The following MCF2 variants were observed in gnomAD, a reference collection of about 807,000 sequenced individuals.
MCF2 encodes the protein MCF.2 cell line derived transforming sequence, also known as proto-oncogene DBL.
Under a neutral mutation model 82.5 loss-of-function variants are expected in MCF2, and 44 were observed. The observed-to-expected ratio is 0.53, with a 90% CI of 0.42 to 0.69. MCF2 has a LOEUF of 0.69. Ranked by LOEUF, MCF2 falls within the 30% of genes least tolerant of loss-of-function variation. The probability of loss-of-function intolerance (pLI) is 0.00; values close to 1 mark genes in which losing one functional copy is unlikely to be tolerated. For missense variants in MCF2, 623 were observed against 663.1 expected (o/e 0.94, Z 0.66); for synonymous variants, 217 against 224.9 (o/e 0.96, Z 0.32).
At chrX:139,663,386 A>G (rs1934410643) in intron 1 of MCF2, among the ~76,000 whole-genome samples, 1 of 111,843 alleles carries the variant, frequency 8.9e-6, no homozygotes, top group Non-Finnish European at 1.9e-5. Flanking sequence ...TAAGGAATAG[A>G]ATCTTCTGTA....
Position 139,626,884 on chromosome X carries a change from T to C in MCF2, c.439-128A>G, listed in dbSNP as rs1932773604. The C allele has an allele frequency of 2.9e-5, 16 of 552,677 alleles. No individual in the cohort carries two copies. In the South Asian group the frequency reaches 6.1e-4, roughly 21 times the overall value. 45.5% of individuals were successfully genotyped at this position (552,677 alleles called of 1,213,427 possible). A position where few individuals can be genotyped will look rare whatever the true frequency, so the allele number is the denominator to read the frequency against. ...AATTCTAGAATGGCCTTTGCTTTCA[T>C]AGCTCTCTGAAAATTCACAAAATTT... is the stretch of plus-strand genomic sequence containing the variant. On this transcript the variant is annotated intron_variant, in intron 4 of 24. Coordinates refer to ENST00000370576, the Ensembl canonical transcript of MCF2.
At chrX:139,627,156 T>A in intron 4 of MCF2, among the ~76,000 whole-genome samples, 1 of 111,542 alleles carries the variant, frequency 9.0e-6, no homozygotes, top group Non-Finnish European at 1.9e-5. Context: ...GGACACAAAC[T>A]CCTGGGCTCA....
In MCF2 at chrX:139,632,220, G is replaced by C. The variant is rs866405330; in HGVS notation, c.171+115C>G. On this transcript the variant is annotated intron_variant, in intron 2 of 24. Transcript: ENST00000370576. The stretch of plus-strand genomic sequence containing the variant: ...GCATTTCAAATGTATACTTTTAAAA[G>C]ACATTTTAATTTTTTTCTTTTAAAT... The C allele has an allele frequency of 8.0e-6, 3 of 376,602 alleles. No homozygotes were observed. In the Admixed American group the frequency reaches 1.9e-4, roughly 23 times the overall value. 31.0% of individuals were successfully genotyped at this position (376,602 alleles called of 1,213,427 possible).
chrX:139,640,086 A>G (rs949240120), intron 1 of MCF2, among the ~76,000 whole-genome samples: 10 of 111,511 alleles, frequency 9.0e-5, no homozygotes, highest in Non-Finnish European at 1.7e-4. Context: ...CTTTCTAGAC[A>G]CTTAACACCT....
chrX:139,638,085 C>T (rs1933341631), intron 1 of MCF2, among the ~76,000 whole-genome samples: 1 of 111,701 alleles, frequency 9.0e-6, no homozygotes, highest in Non-Finnish European at 1.9e-5. Context: ...CCTCCAGAAC[C>T]GTAATGATAC....
intron 1 of MCF2, among the ~76,000 whole-genome samples, chrX:139,635,401 A>G (rs1933143087): frequency 9.0e-6 from 1 of 111,480 alleles, no homozygotes; most frequent in African/African-American, 3.3e-5. Flanking sequence ...CACACCTGTA[A>G]TCCCAGCACT....
At chrX:139,596,592 C>T (rs1402613865) in exon 19 of MCF2, 2 of 1,208,588 alleles carry the variant, frequency 1.7e-6, no homozygotes, top group Non-Finnish European at 2.2e-6. Flanking sequence ...TCTGTCAGAG[C>T]CTTCTCCACT....
chrX:139,697,877 C>A (rs935206095), intron 1 of MCF2, among the ~76,000 whole-genome samples: 12 of 112,395 alleles, frequency 1.1e-4, no homozygotes, highest in African/African-American at 3.6e-4. Flanking sequence ...CGGTGGCTCA[C>A]GCCTGTAATC....
At chrX:139,698,297 G>A (rs1024400263) in intron 1 of MCF2, among the ~76,000 whole-genome samples, 3 of 112,857 alleles carry the variant, frequency 2.7e-5, no homozygotes, top group East Asian at 5.5e-4. Flanking sequence ...TTGCTCAAAC[G>A]ATGATGATAT....
At chrX:139,701,217 AC>A (rs1161956666) in intron 1 of MCF2, among the ~76,000 whole-genome samples, 1 of 111,210 alleles carries the variant, frequency 9.0e-6, no homozygotes, top group African/African-American at 3.3e-5. Context: ...TCCTATAAAT[AC>A]CCCCACCAGT....
intron 11 of MCF2, among the ~76,000 whole-genome samples, chrX:139,609,073 A>G (rs1233954003): frequency 8.9e-6 from 1 of 112,359 alleles, no homozygotes; most frequent in Non-Finnish European, 1.9e-5. Flanking sequence ...TTTTATGCCC[A>G]TTTTATATAT....
intron 19 of MCF2, among the ~76,000 whole-genome samples, chrX:139,594,482 T>A (rs1484003390): frequency 9.1e-6 from 1 of 109,790 alleles, no homozygotes; most frequent in Non-Finnish European, 1.9e-5. Flanking sequence ...GGGAAAGGAT[T>A]CCCTATTTAA....
intron 19 of MCF2, among the ~76,000 whole-genome samples, chrX:139,595,198 A>C (rs971842400): frequency 1.5e-4 from 16 of 108,406 alleles, no homozygotes; most frequent in Non-Finnish European, 3.8e-5. Context: ...AACTAGAAAT[A>C]CCATTTGACC....
At chrX:139,650,022 T>A (rs947761263) in intron 2 of MCF2, among the ~76,000 whole-genome samples, 1 of 112,290 alleles carries the variant, frequency 8.9e-6, no homozygotes, top group Non-Finnish European at 1.9e-5. Context: ...GAATCATTTT[T>A]AATTAAGCTT....
At chrX:139,676,251 G>A (rs937916171) in intron 1 of MCF2, among the ~76,000 whole-genome samples, 2 of 112,152 alleles carry the variant, frequency 1.8e-5, no homozygotes, top group Admixed American at 9.4e-5. Flanking sequence ...GGCTAGGAAA[G>A]GGAAATCCCC....
chrX:139,611,814 G>T (rs1931516339), intron 10 of MCF2, among the ~76,000 whole-genome samples: 1 of 111,077 alleles, frequency 9.0e-6, no homozygotes, highest in Non-Finnish European at 1.9e-5. Context: ...GGAAGGAGGA[G>T]ATCTGGGGAG....
intron 1 of MCF2, chrX:139,691,943 G>C: frequency 1.3e-5 from 15 of 1,166,873 alleles, no homozygotes; most frequent in Non-Finnish European, 1.7e-5. Context: ...GCAGGAGGCA[G>C]AGGTAGTTCT....
chrX:139,613,818 G>A (rs772516196), intron 10 of MCF2, among the ~76,000 whole-genome samples: 1 of 110,730 alleles, frequency 9.0e-6, no homozygotes, highest in South Asian at 3.8e-4. Context: ...CTTTGATATT[G>A]TATTTAAGAC....
intron 15 of MCF2, among the ~76,000 whole-genome samples, chrX:139,603,259 A>G (rs1012418080): frequency 2.7e-4 from 30 of 112,657 alleles, no homozygotes; most frequent in Admixed American, 2.2e-3. Flanking sequence ...TAAATAAACA[A>G]TTCATCAATA....
Sources: gnomAD v4.1 joint callset for allele counts (sites outside exome capture counted in the v4.1 genomes callset) on GRCh38, gnomAD v4.1.1 for gene constraint, MANE v1.5 for transcripts, NCBI Gene and HGNC (gene_info 2026-07-23, HGNC 2026-07-21) for gene names.